The following FIP1L1 variants were observed in gnomAD, a reference collection of about 807,000 sequenced individuals.
The protein encoded by FIP1L1 is pre-mRNA 3'-end-processing factor FIP1.
FIP1L1 carries 21 observed loss-of-function variants against 84.6 expected under a neutral mutation model. The observed-to-expected ratio is 0.25, with a 90% CI of 0.18 to 0.36. The LOEUF is 0.36. Among genes scored for constraint, FIP1L1 ranks in the 10% least tolerant of loss-of-function variants. The pLI, the probability that FIP1L1 is intolerant of heterozygous loss-of-function variation, is 1.00. For missense variants in FIP1L1, 526 were observed against 751.1 expected, an observed-to-expected ratio of 0.70 and a Z score of 3.50; for synonymous variants, 263 against 242.3, an observed-to-expected ratio of 1.09 and a Z score of -0.80.
At chr4:53,390,679 T>C (rs751527746) in intron 7 of FIP1L1, 51 bp downstream of exon 7, 1 of 1,296,270 alleles carries the variant, frequency 7.7e-7, no homozygotes, top group South Asian at 1.4e-5. Context: ...TGTGAAGTCA[T>C]CAGAAAATTT....
At chr4:53,436,659 A>G (rs1394622408) in intron 13 of FIP1L1, among the ~76,000 whole-genome samples, 1 of 152,198 alleles carries the variant, frequency 6.6e-6, no homozygotes, top group Non-Finnish European at 1.5e-5. Context: ...TTAGTTATAT[A>G]AAATTATGAT....
At chr4:53,428,799 T>TA (rs1765365099) in intron 13 of FIP1L1, among the ~76,000 whole-genome samples, 1 of 152,130 alleles carries the variant, frequency 6.6e-6, no homozygotes, top group African/African-American at 2.4e-5. Context: ...TTGCCTTTCT[T>TA]ACTTTGTTTT....
At chr4:53,451,190 C>T (rs551350766) in intron 15 of FIP1L1, among the ~76,000 whole-genome samples, 2 of 151,670 alleles carry the variant, frequency 1.3e-5, no homozygotes, top group African/African-American at 4.8e-5. Context: ...AGACTGTTCT[C>T]GAACTCCTGA....
chr4:53,408,425 A>T (rs1454401898), intron 10 of FIP1L1, among the ~76,000 whole-genome samples: 2 of 152,118 alleles, frequency 1.3e-5, no homozygotes, highest in African/African-American at 2.4e-5. Context: ...GCTGCCCTGA[A>T]CATTTTTTCC....
chr4:53,384,114 G>T (rs1739559367), intron 5 of FIP1L1, among the ~76,000 whole-genome samples: 1 of 152,164 alleles, frequency 6.6e-6, no homozygotes, highest in South Asian at 2.1e-4. Flanking sequence ...TTTTATAAAA[G>T]AATTGAGTGC....
rs772888180 is a variant in FIP1L1 at position 53,414,627 on chromosome 4, T to C, written c.828T>C (p.Ser276=). ...TGLPPSRNST[S]SQSQTSTASR... Reference sequence around the variant, plus strand: ...TTTATCTCACCAGAAACAGCACTTCTTCTCAGTCTCAGACAAGTACTGCCT... The same window carrying C: ...TTTATCTCACCAGAAACAGCACTTCCTCTCAGTCTCAGACAAGTACTGCCT... The change falls in exon 11 of 18, where the codon TCT becomes TCC. Residue 276 remains serine (S), a synonymous_variant. Transcript: ENST00000337488. 3.8e-5 allele frequency: 61 copies of C among 1,611,670 alleles called. No individual in the cohort carries two copies. The Middle Eastern group carries it at 6.6e-4, about 17-fold the overall frequency.
chr4:53,384,068 T>C (rs1739541083), intron 5 of FIP1L1, among the ~76,000 whole-genome samples, 192 bp downstream of exon 5: 2 of 152,276 alleles, frequency 1.3e-5, no homozygotes, highest in South Asian at 4.1e-4. Context: ...CGAAGGTACA[T>C]AGAAGCAGCA....
At chr4:53,392,510 T>G (rs141445815) in intron 9 of FIP1L1, among the ~76,000 whole-genome samples, 63 of 152,380 alleles carry the variant, frequency 4.1e-4, no homozygotes, top group African/African-American at 1.5e-3. Context: ...ATGTCTGTTG[T>G]GTTTTAAAGG....
At chr4:53,404,197 TC>T (rs1238602308) in intron 10 of FIP1L1, among the ~76,000 whole-genome samples, 10 of 124,012 alleles carry the variant, frequency 8.1e-5, no homozygotes, top group African/African-American at 2.8e-4. Flanking sequence ...AGTGTGATGT[TC>T]CCCTTCCTGT....
chr4:53,385,498 A>AAACTC (rs1740475499), intron 5 of FIP1L1, among the ~76,000 whole-genome samples: 1 of 152,116 alleles, frequency 6.6e-6, no homozygotes, highest in Non-Finnish European at 1.5e-5. Context: ...ATTGAATTCA[A>AAACTC]AACTCTTCAA....
chr4:53,452,181 A>G (rs1345509307), intron 15 of FIP1L1, among the ~76,000 whole-genome samples: 1 of 151,896 alleles, frequency 6.6e-6, no homozygotes, highest in East Asian at 1.9e-4. Flanking sequence ...TGCACCTGGC[A>G]TGATAGACAT....
intron 5 of FIP1L1, among the ~76,000 whole-genome samples, chr4:53,387,806 A>G (rs184298361): frequency 6.6e-6 from 1 of 152,336 alleles, no homozygotes; most frequent in Admixed American, 6.5e-5. Flanking sequence ...AAAATCATGT[A>G]CATCATATGT....
intron 10 of FIP1L1, among the ~76,000 whole-genome samples, chr4:53,403,786 A>G (rs1397142500): frequency 2.0e-5 from 3 of 152,140 alleles, no homozygotes; most frequent in Non-Finnish European, 4.4e-5. Context: ...TGCCGGCTGC[A>G]GGCATTGCAG....
At chr4:53,415,522 GT>G (rs1368871545) in intron 11 of FIP1L1, among the ~76,000 whole-genome samples, 1 of 87,650 alleles carries the variant, frequency 1.1e-5, no homozygotes, top group African/African-American at 3.1e-5. Context: ...GGGTAATTTT[GT>G]TTTTTGTTTT....
intron 15 of FIP1L1, among the ~76,000 whole-genome samples, 192 bp from the exon 16 acceptor site, chr4:53,452,728 G>T (rs1463508305): frequency 6.6e-6 from 1 of 152,126 alleles, no homozygotes; most frequent in Non-Finnish European, 1.5e-5. Flanking sequence ...ATAATGAAGG[G>T]TCTTTATATG....
At chr4:53,388,596 A>C (rs1266774352) in intron 5 of FIP1L1, among the ~76,000 whole-genome samples, 1 of 152,134 alleles carries the variant, frequency 6.6e-6, no homozygotes, top group Non-Finnish European at 1.5e-5. Flanking sequence ...CGGCCTCCCA[A>C]AGTGCTGGGA....
chr4:53,432,854 G>A (rs1284139053), intron 13 of FIP1L1, among the ~76,000 whole-genome samples: 2 of 152,034 alleles, frequency 1.3e-5, no homozygotes, highest in Non-Finnish European at 2.9e-5. Context: ...ATTGGATTAC[G>A]TGTATTTGTC....
chr4:53,429,800 T>A (rs1170756885), intron 13 of FIP1L1, among the ~76,000 whole-genome samples: 1 of 152,224 alleles, frequency 6.6e-6, no homozygotes, highest in Non-Finnish European at 1.5e-5. Flanking sequence ...TAACATTTTT[T>A]TGTGGAGAGA....
chr4:53,453,104 T>C lies in FIP1L1; in HGVS notation c.1470T>C (p.Asp490=), dbSNP rs200359590. The C allele has an allele frequency of 6.2e-7, 1 of 1,613,802 alleles. No individual in the cohort carries two copies. Among genetic ancestry groups the C allele is most frequent in the Non-Finnish European group, 8.5e-7 (1 of 1,179,930 alleles). The change falls in exon 16 of 18, where the codon GAT becomes GAC. Residue 490 remains aspartate (D), a synonymous_variant. Transcript: ENST00000337488. ...CCAGAGAGAGAGAGAGGGAGCGTGA[T>C]CACAGTCCTACACCAAGTGTTTTCA... ...ERTRERERER[D]HSPTPSVFNS...
Sources: gnomAD v4.1 joint callset for allele counts (sites outside exome capture counted in the v4.1 genomes callset) on GRCh38, gnomAD v4.1.1 for gene constraint, MANE v1.5 for transcripts, NCBI Gene and HGNC (gene_info 2026-07-23, HGNC 2026-07-21) for gene names.